The following PCGF3 variants were observed in gnomAD, a reference collection of about 807,000 sequenced individuals.
The protein encoded by PCGF3 is polycomb group RING finger protein 3.
Under a neutral mutation model 33.1 loss-of-function variants are expected in PCGF3, and 7 were observed. The observed-to-expected ratio is 0.21, with a 90% CI of 0.12 to 0.40. The LOEUF (loss-of-function observed/expected upper bound fraction) is 0.40, where lower values mean the gene tolerates loss of function less well. PCGF3 is among the 10% of genes least tolerant of loss of function. The probability of loss-of-function intolerance (pLI) is 1.00; values close to 1 mark genes in which losing one functional copy is unlikely to be tolerated. For synonymous variants in PCGF3, 153 were observed against 121.3 expected (o/e 1.26, Z -1.72); for missense variants, 211 against 313.3 (o/e 0.67, Z 2.46).
At chr4:722,054 G>C (rs746224580) in intron 1 of PCGF3, among the ~76,000 whole-genome samples, 2 of 152,154 alleles carry the variant, frequency 1.3e-5, no homozygotes, top group African/African-American at 2.4e-5. Context: ...GGAGCACATC[G>C]CGTAGTGCAG....
At chr4:731,107 G>A (rs1743536210) in exon 3 of PCGF3, 2 of 398,480 alleles carry the variant, frequency 5.0e-6, no homozygotes, top group Middle Eastern at 6.2e-4. Context: ...GACGTCTAGC[G>A]GAGGTGAGGC....
intron 8 of PCGF3, among the ~76,000 whole-genome samples, 166 bp from the exon 9 acceptor site, chr4:761,113 G>A (rs1427974699): frequency 6.6e-6 from 1 of 152,208 alleles, no homozygotes; most frequent in Non-Finnish European, 1.5e-5. Context: ...TTTCAGATAA[G>A]GTATGTAAGA....
chr4:763,377 T>G (rs953767046), intron 9 of PCGF3, among the ~76,000 whole-genome samples: 4 of 151,486 alleles, frequency 2.6e-5, no homozygotes, highest in South Asian at 2.1e-4. Flanking sequence ...CAGGGAAGAG[T>G]GTGAGGTTTG....
chr4:729,786 G>A (rs149712460), intron 1 of PCGF3, among the ~76,000 whole-genome samples: 8 of 152,282 alleles, frequency 5.3e-5, no homozygotes, highest in African/African-American at 9.6e-5. Context: ...TGATACAAAC[G>A]GGGTAGAAAA....
chr4:749,820 T>C (rs1744434827), intron 8 of PCGF3, among the ~76,000 whole-genome samples: 1 of 152,028 alleles, frequency 6.6e-6, no homozygotes, highest in Non-Finnish European at 1.5e-5. Flanking sequence ...GAGTTAAAAG[T>C]CTTTTGTTAT....
At chr4:744,269 C>T (rs1174606022) in intron 7 of PCGF3, among the ~76,000 whole-genome samples, 1 of 152,254 alleles carries the variant, frequency 6.6e-6, no homozygotes, top group African/African-American at 2.4e-5. Flanking sequence ...GATCGAGGGG[C>T]TGATGTGGTC....
chr4:738,803 G>A (rs542754323), intron 6 of PCGF3, among the ~76,000 whole-genome samples: 22 of 152,256 alleles, frequency 1.4e-4, no homozygotes, highest in African/African-American at 5.3e-4. Flanking sequence ...AGGTTGCAGT[G>A]AGCTGAGATC....
chr4:740,974 G>A (rs1211570240), intron 6 of PCGF3, among the ~76,000 whole-genome samples: 1 of 152,236 alleles, frequency 6.6e-6, no homozygotes, highest in Non-Finnish European at 1.5e-5. Context: ...AAGGAGAAAA[G>A]GGGACTTTCA....
At chr4:730,402 C>T (rs900571944) in intron 1 of PCGF3, among the ~76,000 whole-genome samples, 1 of 152,192 alleles carries the variant, frequency 6.6e-6, no homozygotes, top group African/African-American at 2.4e-5. Flanking sequence ...CGTGCCCACT[C>T]CTGCTGTCTC....
rs201953888 is a variant in PCGF3, at chr4:733,734, C to G, written c.54C>G (p.Arg18=). The G allele has an allele frequency of 2.7e-5, 43 of 1,612,562 alleles. No homozygotes were observed. In the Middle Eastern group the frequency reaches 8.2e-4, roughly 31 times the overall value. ...ACATCAACGCCCACATCACCTGCCG[C>G]CTGTGCAGCGGGTACCTCATCGACG... Residue 18 remains arginine, a synonymous_variant, in exon 4 of 11, where the codon CGC becomes CGG. Transcript: ENST00000362003.
At chr4:736,205 G>A (rs1334675190) in intron 5 of PCGF3, among the ~76,000 whole-genome samples, 3 of 151,810 alleles carry the variant, frequency 2.0e-5, no homozygotes, top group East Asian at 1.9e-4. Context: ...ATGTCACCAC[G>A]CCCAGCTAAT....
At chr4:754,580 C>G (rs1456328872) in intron 8 of PCGF3, among the ~76,000 whole-genome samples, 1 of 152,154 alleles carries the variant, frequency 6.6e-6, no homozygotes, top group African/African-American at 2.4e-5. Flanking sequence ...TGCCAGGCTG[C>G]CCCACGTGCC....
chr4:705,832 A>G (rs1161577986), exon 1 of PCGF3: 2 of 151,452 alleles, frequency 1.3e-5, no homozygotes, highest in East Asian at 2.0e-4. Context: ...CGGCTCGGGC[A>G]TTTCCGCCTC....
intron 1 of PCGF3, among the ~76,000 whole-genome samples, chr4:722,689 G>A (rs1332074194): frequency 8.8e-6 from 1 of 113,600 alleles, no homozygotes; most frequent in Non-Finnish European, 1.8e-5. Flanking sequence ...CCACACTCGC[G>A]TCATCACCTG....
intron 6 of PCGF3, among the ~76,000 whole-genome samples, chr4:741,353 T>G (rs1744081411): frequency 6.6e-6 from 1 of 152,258 alleles, no homozygotes. Flanking sequence ...CAGATCAGGC[T>G]GGACTGCCGC....
At chr4:741,520 T>C (rs892191696) in intron 6 of PCGF3, among the ~76,000 whole-genome samples, 1 of 152,196 alleles carries the variant, frequency 6.6e-6, no homozygotes. Context: ...AGTTGTCCTG[T>C]CTCAGCCTCC....
exon 11 of PCGF3, chr4:767,737 C>T (rs2152632102): frequency 6.5e-6 from 1 of 152,712 alleles, no homozygotes; most frequent in South Asian, 2.1e-4. Context: ...TCTTTAAGCC[C>T]ATCAACTCCC....
chr4:759,851 GC>G (rs1744943464), intron 8 of PCGF3, among the ~76,000 whole-genome samples: 1 of 57,832 alleles, frequency 1.7e-5, no homozygotes, highest in Non-Finnish European at 3.6e-5. Context: ...TCCCCGCGCG[GC>G]CCCTCTCCCG....
At chr4:764,691 C>T (rs555176021) in intron 9 of PCGF3, 2 of 327,410 alleles carry the variant, frequency 6.1e-6, no homozygotes, top group Non-Finnish European at 5.7e-6. Context: ...GAGCTTGTGC[C>T]TGCGCCTGCA....
Sources: gnomAD v4.1 joint callset for allele counts (sites outside exome capture counted in the v4.1 genomes callset) on GRCh38, gnomAD v4.1.1 for gene constraint, MANE v1.5 for transcripts, NCBI Gene and HGNC (gene_info 2026-07-23, HGNC 2026-07-21) for gene names.